RSPO2: variants seen among roughly 807,000 people sequenced by gnomAD.
RSPO2 encodes the protein R-spondin-2.
Under a neutral mutation model 30.9 loss-of-function variants are expected in RSPO2, and 14 were observed. The observed-to-expected ratio is 0.45, with a 90% CI of 0.30 to 0.71. The LOEUF (loss-of-function observed/expected upper bound fraction) is 0.71, where lower values mean the gene tolerates loss of function less well. RSPO2 is among the 30% of genes least tolerant of loss of function. The pLI is 0.08. For missense variants in RSPO2, 264 were observed against 301.9 expected (o/e 0.87, Z 0.93); for synonymous variants, 107 against 96.4 (o/e 1.11, Z -0.64).
intron 2 of RSPO2, among the ~76,000 whole-genome samples, chr8:108,020,209 C>A (rs906711220): frequency 1.3e-5 from 2 of 152,104 alleles, no homozygotes; most frequent in Non-Finnish European, 2.9e-5. Context: ...CCACAGTCAG[C>A]AGCTCTTATC....
intron 2 of RSPO2, among the ~76,000 whole-genome samples, chr8:108,053,388 T>C (rs551550617): frequency 5.3e-4 from 81 of 152,244 alleles, no homozygotes; most frequent in African/African-American, 1.9e-3. Flanking sequence ...CAAAAATCCT[T>C]CCCATCAACA....
At chr8:108,079,562 C>A (rs1813121662) in intron 2 of RSPO2, among the ~76,000 whole-genome samples, 1 of 152,078 alleles carries the variant, frequency 6.6e-6, no homozygotes, top group South Asian at 2.1e-4. Context: ...ATTATCTAAT[C>A]TCTGCCAAGA....
intron 5 of RSPO2, among the ~76,000 whole-genome samples, chr8:107,953,068 G>A (rs955287489): frequency 6.6e-6 from 1 of 152,164 alleles, no homozygotes; most frequent in Non-Finnish European, 1.5e-5. Context: ...GAGCAAAAGA[G>A]GCAGAAAGCT....
chr8:108,022,792 G>T (rs895680867), intron 2 of RSPO2, among the ~76,000 whole-genome samples: 43 of 151,960 alleles, frequency 2.8e-4, no homozygotes, highest in African/African-American at 9.9e-4. Context: ...GGGCGTGGTG[G>T]CGCATGCCTG....
chr8:108,017,802 G>A (rs187109237), intron 2 of RSPO2, among the ~76,000 whole-genome samples: 4 of 152,204 alleles, frequency 2.6e-5, no homozygotes, highest in African/African-American at 7.2e-5. Context: ...TCAACCTTAT[G>A]GAAATAAAGA....
At chr8:108,074,672 G>A (rs909479634) in intron 2 of RSPO2, among the ~76,000 whole-genome samples, 10 of 152,178 alleles carry the variant, frequency 6.6e-5, no homozygotes, top group African/African-American at 1.4e-4. Flanking sequence ...ATTTTGAATG[G>A]GGTCAAAGGG....
intron 5 of RSPO2, among the ~76,000 whole-genome samples, chr8:107,945,241 C>CTTTTTTTTTTTT (rs754722790): frequency 1.1e-4 from 8 of 74,820 alleles, no homozygotes; most frequent in Non-Finnish European, 1.2e-4. Context: ...ATTCTTTTAC[C>CTTTTTTTTTTTT]TTTTTTTTTT....
intron 5 of RSPO2, among the ~76,000 whole-genome samples, chr8:107,905,768 C>G (rs1000973974): frequency 1.3e-5 from 1 of 79,116 alleles, no homozygotes; most frequent in African/African-American, 6.8e-5. Context: ...ATGAGTAGTA[C>G]TGTACCATTT....
intron 2 of RSPO2, among the ~76,000 whole-genome samples, chr8:108,048,545 T>C (rs1811976337): frequency 6.6e-6 from 1 of 152,016 alleles, no homozygotes; most frequent in Non-Finnish European, 1.5e-5. Flanking sequence ...TTATTGTGTC[T>C]ATTTGATTCT....
chr8:108,073,033 G>A (rs1401561178), intron 2 of RSPO2: 1 of 152,196 alleles, frequency 6.6e-6, no homozygotes, highest in Non-Finnish European at 1.5e-5. Flanking sequence ...CTACCTGCAT[G>A]TTAATTAAAT....
At chr8:108,003,742 T>C (rs947861573) in intron 2 of RSPO2, among the ~76,000 whole-genome samples, 2 of 152,132 alleles carry the variant, frequency 1.3e-5, no homozygotes, top group East Asian at 3.9e-4. Flanking sequence ...TCACACTTTT[T>C]GAAAGTAATG....
At chr8:107,933,842 T>C (rs1812628959) in intron 5 of RSPO2, among the ~76,000 whole-genome samples, 1 of 152,210 alleles carries the variant, frequency 6.6e-6, no homozygotes, top group Admixed American at 6.5e-5. Context: ...AGTTTTAAGT[T>C]GTCCAGCTCT....
At chr8:107,917,660 T>C (rs1202348262) in intron 5 of RSPO2, among the ~76,000 whole-genome samples, 2 of 152,158 alleles carry the variant, frequency 1.3e-5, no homozygotes, top group Non-Finnish European at 2.9e-5. Context: ...GCTTATTTGG[T>C]ATGAAAGTCA....
At chr8:107,965,930 A>G (rs770229304) in intron 3 of RSPO2, among the ~76,000 whole-genome samples, 7 of 152,174 alleles carry the variant, frequency 4.6e-5, no homozygotes, top group African/African-American at 1.7e-4. Context: ...GATGTGTGCT[A>G]TAAGTTGGAA....
intron 5 of RSPO2, among the ~76,000 whole-genome samples, chr8:107,929,353 C>G (rs995964628): frequency 8.6e-5 from 13 of 152,046 alleles, no homozygotes; most frequent in African/African-American, 3.1e-4. Context: ...GGATGTTTAC[C>G]AAAAAGAAAT....
At chr8:107,927,640 A>G (rs1366773468) in intron 5 of RSPO2, among the ~76,000 whole-genome samples, 1 of 152,194 alleles carries the variant, frequency 6.6e-6, no homozygotes, top group Non-Finnish European at 1.5e-5. Flanking sequence ...CCTTTTCTGC[A>G]TCTATTGAGA....
At chr8:107,986,357 C>T (rs1359123951) in intron 3 of RSPO2, among the ~76,000 whole-genome samples, 3 of 152,162 alleles carry the variant, frequency 2.0e-5, no homozygotes, top group Non-Finnish European at 1.5e-5. Flanking sequence ...GGTCAGTAAA[C>T]TCCAACATTG....
chr8:107,907,690 A>G (rs1238687983), intron 5 of RSPO2, among the ~76,000 whole-genome samples: 2 of 152,234 alleles, frequency 1.3e-5, no homozygotes, highest in East Asian at 3.9e-4. Flanking sequence ...AAATGTGACA[A>G]TCATTCAGAA....
At chr8:107,965,206 T>A (rs1813759349) in intron 3 of RSPO2, among the ~76,000 whole-genome samples, 2 of 152,120 alleles carry the variant, frequency 1.3e-5, no homozygotes. Flanking sequence ...TTACAGTGCC[T>A]CCTCAAAAAT....
Sources: allele counts gnomAD v4.1 joint callset (sites outside exome capture counted in the v4.1 genomes callset), GRCh38; gene constraint gnomAD v4.1.1; transcripts MANE v1.5; gene names NCBI Gene and HGNC (gene_info 2026-07-23, HGNC 2026-07-21).